Variants in ELMO1 observed in about 807,000 individuals in gnomAD.
ELMO1 encodes engulfment and cell motility protein 1.
Under a neutral mutation model 98.9 loss-of-function variants are expected in ELMO1, and 26 were observed. The ratio of observed to expected loss-of-function variants is 0.26; its 90% CI spans 0.19 to 0.36. The LOEUF (loss-of-function observed/expected upper bound fraction) is 0.36. Among genes scored for constraint, ELMO1 ranks in the 10% least tolerant of loss-of-function variants. The pLI, the probability that ELMO1 is intolerant of heterozygous loss-of-function variation, is 1.00. For synonymous variants in ELMO1, 346 were observed against 346.0 expected, an observed-to-expected ratio of 1.00 and a Z score of 0.00; for missense variants, 627 against 935.2, an observed-to-expected ratio of 0.67 and a Z score of 4.30.
At chr7:37,105,916 T>C (rs2129271169) in intron 14 of ELMO1, among the ~76,000 whole-genome samples, 1 of 152,310 alleles carries the variant, frequency 6.6e-6, no homozygotes, top group East Asian at 1.9e-4. Context: ...GGGTTATTTC[T>C]GGGATGATGA....
intron 16 of ELMO1, among the ~76,000 whole-genome samples, chr7:37,005,237 G>A (rs573839011): frequency 9.9e-5 from 15 of 152,070 alleles, no homozygotes; most frequent in Admixed American, 3.3e-4. Context: ...TGCCAGGGCT[G>A]TAAATTCAGC....
intron 14 of ELMO1, among the ~76,000 whole-genome samples, chr7:37,118,440 T>C (rs1785750072): frequency 6.6e-6 from 1 of 152,004 alleles, no homozygotes. Context: ...TCTCAGGAGG[T>C]TGGGATTAAA....
intron 13 of ELMO1, among the ~76,000 whole-genome samples, chr7:37,195,307 G>A (rs573714139): frequency 5.3e-5 from 8 of 152,304 alleles, no homozygotes; most frequent in East Asian, 3.9e-4. Flanking sequence ...AGGCCTGTCC[G>A]CACACTGCCT....
intron 13 of ELMO1, among the ~76,000 whole-genome samples, chr7:37,204,998 C>CA (rs1191629201): frequency 1.3e-5 from 2 of 152,362 alleles, no homozygotes; most frequent in African/African-American, 4.8e-5. Context: ...TAGCTAGACA[C>CA]AGAGTACTGA....
At chr7:37,260,272 T>C (rs1675939557) in intron 5 of ELMO1, among the ~76,000 whole-genome samples, 1 of 152,230 alleles carries the variant, frequency 6.6e-6, no homozygotes, top group Admixed American at 6.5e-5. Flanking sequence ...CTCGGGTACT[T>C]GCTTTCTCTT....
intron 1 of ELMO1, among the ~76,000 whole-genome samples, chr7:37,426,127 C>T (rs1426012975): frequency 4.1e-5 from 6 of 145,864 alleles, no homozygotes; most frequent in East Asian, 3.9e-4. Context: ...TCTCTCTCTC[C>T]CTCTTTTTTT....
chr7:36,895,125 T>C, intron 16 of ELMO1, 108 bp from the exon 17 acceptor site: 3 of 1,266,334 alleles, frequency 2.4e-6, no homozygotes, highest in Non-Finnish European at 3.3e-6. Flanking sequence ...TCTGCACGCA[T>C]GCTCAGCATT....
At chr7:37,097,801 G>T (rs1351867871) in intron 14 of ELMO1, among the ~76,000 whole-genome samples, 1 of 152,126 alleles carries the variant, frequency 6.6e-6, no homozygotes, top group Non-Finnish European at 1.5e-5. Flanking sequence ...ACCTAGAAGT[G>T]TTTGAGACTG....
intron 15 of ELMO1, among the ~76,000 whole-genome samples, chr7:37,089,031 A>G (rs977556981): frequency 2.0e-5 from 3 of 152,236 alleles, no homozygotes; most frequent in African/African-American, 7.2e-5. Flanking sequence ...TTTAACTGTT[A>G]AAAGCTAATT....
chr7:37,243,121 T>G (rs1794837584), intron 7 of ELMO1, among the ~76,000 whole-genome samples: 1 of 152,224 alleles, frequency 6.6e-6, no homozygotes, highest in Non-Finnish European at 1.5e-5. Flanking sequence ...TATTCATTTC[T>G]GTCTATGATT....
intron 16 of ELMO1, among the ~76,000 whole-genome samples, chr7:36,962,880 T>G (rs1789079640): frequency 6.6e-6 from 1 of 151,986 alleles, no homozygotes; most frequent in African/African-American, 2.4e-5. Context: ...CTCCCCACTA[T>G]TAGAAAAGTA....
intron 16 of ELMO1, among the ~76,000 whole-genome samples, chr7:36,912,473 A>C (rs920307117): frequency 2.0e-5 from 3 of 152,182 alleles, no homozygotes; most frequent in African/African-American, 7.2e-5. Flanking sequence ...GAAAGACAGG[A>C]GGGAGTTGCT....
intron 16 of ELMO1, among the ~76,000 whole-genome samples, chr7:36,908,289 C>G (rs962625851): frequency 1.3e-5 from 2 of 152,154 alleles, no homozygotes; most frequent in Non-Finnish European, 2.9e-5. Context: ...TGATGTTTAG[C>G]ACAACCACCA....
intron 13 of ELMO1, among the ~76,000 whole-genome samples, chr7:37,193,214 C>G (rs985260218): frequency 1.3e-5 from 2 of 151,794 alleles, no homozygotes; most frequent in Non-Finnish European, 2.9e-5. Flanking sequence ...TTGACCACTT[C>G]CCCCCTGGAT....
intron 4 of ELMO1, among the ~76,000 whole-genome samples, chr7:37,304,547 C>G (rs909787226): frequency 6.6e-6 from 1 of 152,122 alleles, no homozygotes; most frequent in African/African-American, 2.4e-5. Flanking sequence ...GAAACTCTGT[C>G]TCTACTAAAA....
At chr7:37,148,754 C>G (rs1205652980) in intron 13 of ELMO1, among the ~76,000 whole-genome samples, 1 of 152,212 alleles carries the variant, frequency 6.6e-6, no homozygotes, top group Non-Finnish European at 1.5e-5. Context: ...TATCATGGCT[C>G]ATTCTAGCAA....
chr7:37,429,517 G>T (rs1208283996), intron 1 of ELMO1: 1 of 152,220 alleles, frequency 6.6e-6, no homozygotes, highest in Non-Finnish European at 1.5e-5. Flanking sequence ...TCTCCCATCT[G>T]GTCAGCTCTG....
At chr7:36,880,902 G>T (rs1304809451) in intron 18 of ELMO1, among the ~76,000 whole-genome samples, 2 of 152,176 alleles carry the variant, frequency 1.3e-5, no homozygotes, top group Non-Finnish European at 2.9e-5. Flanking sequence ...AACCCAAAGG[G>T]TCTGCAGCGG....
intron 2 of ELMO1, among the ~76,000 whole-genome samples, chr7:37,328,224 A>C (rs1162740931): frequency 6.6e-6 from 1 of 152,052 alleles, no homozygotes; most frequent in Non-Finnish European, 1.5e-5. Flanking sequence ...ACTACAAAAA[A>C]TACAAAAAGT....
Sources: allele counts gnomAD v4.1 joint callset (sites outside exome capture counted in the v4.1 genomes callset), GRCh38; gene constraint gnomAD v4.1.1; transcripts MANE v1.5; gene names NCBI Gene and HGNC (gene_info 2026-07-23, HGNC 2026-07-21).